KCTD16: variants seen among roughly 807,000 people sequenced by gnomAD.
KCTD16 encodes potassium channel tetramerization domain containing 16, also known as BTB/POZ domain-containing protein KCTD16.
A neutral mutation model predicts 33.2 loss-of-function variants in KCTD16; 13 were observed. That is an observed-to-expected ratio of 0.39 (90% confidence interval 0.25 to 0.62). KCTD16 has a LOEUF of 0.62. Among genes scored for constraint, KCTD16 ranks in the 20% least tolerant of loss-of-function variants. The pLI, the probability that KCTD16 is intolerant of heterozygous loss-of-function variation, is 0.50. For synonymous variants in KCTD16, 197 were observed against 195.3 expected (o/e 1.01, Z -0.07); for missense variants, 441 against 525.1 (o/e 0.84, Z 1.57).
At chr5:144,297,590 T>C (rs1433451912) in intron 3 of KCTD16, among the ~76,000 whole-genome samples, 3 of 152,134 alleles carry the variant, frequency 2.0e-5, no homozygotes, top group Non-Finnish European at 1.5e-5. Context: ...CAGCGAGAGA[T>C]AGGACTAACT....
intron 3 of KCTD16, among the ~76,000 whole-genome samples, chr5:144,292,418 T>C (rs1755919723): frequency 1.3e-5 from 2 of 152,132 alleles, no homozygotes; most frequent in South Asian, 4.1e-4. Flanking sequence ...TTGTAGCCCA[T>C]GTAAGAGATG....
chr5:144,414,933 C>G (rs962069244), intron 3 of KCTD16, among the ~76,000 whole-genome samples: 1 of 152,176 alleles, frequency 6.6e-6, no homozygotes, highest in South Asian at 2.1e-4. Context: ...TTAGCTGATC[C>G]TCATACAAAT....
chr5:144,228,275 C>A (rs1753995106), intron 3 of KCTD16, among the ~76,000 whole-genome samples: 1 of 152,208 alleles, frequency 6.6e-6, no homozygotes, highest in Non-Finnish European at 1.5e-5. Flanking sequence ...GGAAGAGAAC[C>A]AGGAAAGTGG....
intron 3 of KCTD16, among the ~76,000 whole-genome samples, chr5:144,340,254 T>C (rs1275356971): frequency 6.6e-6 from 1 of 151,510 alleles, no homozygotes; most frequent in Non-Finnish European, 1.5e-5. Flanking sequence ...TACAAAAAAT[T>C]AGCTGGGCAT....
At chr5:144,413,385 T>TA (rs1485347694) in intron 3 of KCTD16, among the ~76,000 whole-genome samples, 1 of 152,248 alleles carries the variant, frequency 6.6e-6, no homozygotes, top group Non-Finnish European at 1.5e-5. Flanking sequence ...TATTGTGTGG[T>TA]ATTTTTTATG....
intron 3 of KCTD16, among the ~76,000 whole-genome samples, chr5:144,451,749 G>A (rs1166198204): frequency 6.6e-6 from 1 of 152,130 alleles, no homozygotes; most frequent in Non-Finnish European, 1.5e-5. Flanking sequence ...GAGTTTGAGG[G>A]ACTTTGTACT....
At chr5:144,437,076 C>T (rs1046261156) in intron 3 of KCTD16, among the ~76,000 whole-genome samples, 13 of 152,210 alleles carry the variant, frequency 8.5e-5, no homozygotes, top group African/African-American at 2.2e-4. Context: ...ACTGTAGATT[C>T]GGTTTTGGAA....
intron 3 of KCTD16, among the ~76,000 whole-genome samples, chr5:144,295,628 A>G (rs10072116): frequency 0.18 from 27,645 of 152,180 alleles, 2,853 homozygotes; most frequent in Non-Finnish European, 0.23. Context: ...AAAGTTATCC[A>G]TGCCATTATC....
At chr5:144,259,148 C>T (rs1754932002) in intron 3 of KCTD16, among the ~76,000 whole-genome samples, 1 of 150,648 alleles carries the variant, frequency 6.6e-6, no homozygotes, top group African/African-American at 2.4e-5. Context: ...GTCCCAGCTA[C>T]TCAGGAGACT....
chr5:144,331,839 CTT>C (rs1199690715), intron 3 of KCTD16, among the ~76,000 whole-genome samples: 1 of 152,170 alleles, frequency 6.6e-6, no homozygotes, highest in Non-Finnish European at 1.5e-5. Context: ...GAATTCAACT[CTT>C]ATTTCTAAAC....
chr5:144,423,411 G>A (rs539555684), intron 3 of KCTD16, among the ~76,000 whole-genome samples: 21 of 152,252 alleles, frequency 1.4e-4, no homozygotes, highest in African/African-American at 5.1e-4. Flanking sequence ...CAGGCACAGA[G>A]GAGAGAGATA....
chr5:144,439,914 T>G (rs556423028), intron 3 of KCTD16, among the ~76,000 whole-genome samples: 1 of 151,868 alleles, frequency 6.6e-6, no homozygotes, highest in South Asian at 2.1e-4. Flanking sequence ...CTGTTCATGT[T>G]AAAATCCTTG....
At chr5:144,333,719 A>G (rs1231693326) in intron 3 of KCTD16, among the ~76,000 whole-genome samples, 1 of 152,176 alleles carries the variant, frequency 6.6e-6, no homozygotes, top group African/African-American at 2.4e-5. Flanking sequence ...TGGCAAAGGC[A>G]GAGGAGCAAG....
intron 3 of KCTD16, among the ~76,000 whole-genome samples, chr5:144,473,007 T>G (rs1754512081): frequency 6.6e-6 from 1 of 152,196 alleles, no homozygotes; most frequent in African/African-American, 2.4e-5. Flanking sequence ...ACTCTTAGGG[T>G]CTTAGTTTCC....
chr5:144,318,915 G>C (rs536137296), intron 3 of KCTD16, among the ~76,000 whole-genome samples: 2 of 152,032 alleles, frequency 1.3e-5, no homozygotes, highest in African/African-American at 2.4e-5. Context: ...AATGTTTAGA[G>C]GGAGGTTAAA....
intron 3 of KCTD16, among the ~76,000 whole-genome samples, chr5:144,428,815 G>A (rs1478146899): frequency 2.6e-5 from 4 of 152,178 alleles, no homozygotes. Flanking sequence ...GTTGTCAACA[G>A]TCAAGGTTGG....
intron 3 of KCTD16, among the ~76,000 whole-genome samples, chr5:144,349,221 A>G (rs1254580376): frequency 2.0e-5 from 3 of 152,212 alleles, no homozygotes; most frequent in African/African-American, 7.2e-5. Context: ...CTTTAAGCCC[A>G]AGAGGTGGTG....
intron 3 of KCTD16, among the ~76,000 whole-genome samples, chr5:144,436,108 C>T (rs1014638838): frequency 2.0e-5 from 3 of 152,136 alleles, no homozygotes; most frequent in Non-Finnish European, 4.4e-5. Context: ...ACTAGGTGAC[C>T]TGTTGTGCAG....
chr5:144,238,869 A>C (rs896954284), intron 3 of KCTD16, among the ~76,000 whole-genome samples: 3 of 152,176 alleles, frequency 2.0e-5, no homozygotes, highest in African/African-American at 7.2e-5. Context: ...CTAGGGATAC[A>C]ACTAGGAAAA....
Sources: allele counts gnomAD v4.1 joint callset (sites outside exome capture counted in the v4.1 genomes callset), GRCh38; gene constraint gnomAD v4.1.1; transcripts MANE v1.5; gene names NCBI Gene and HGNC (gene_info 2026-07-23, HGNC 2026-07-21).